KATNAL2: variants seen among roughly 807,000 people sequenced by gnomAD.
The protein encoded by KATNAL2 is katanin catalytic subunit A1 like 2.
A neutral mutation model predicts 76.3 loss-of-function variants in KATNAL2; 52 were observed. The observed-to-expected ratio is 0.68, with a 90% confidence interval of 0.55 to 0.86. The LOEUF (loss-of-function observed/expected upper bound fraction) is 0.86. KATNAL2 is among the 40% of genes least tolerant of loss of function. The probability of loss-of-function intolerance (pLI) is 0.00; values close to 1 mark genes in which losing one functional copy is unlikely to be tolerated. For missense variants in KATNAL2, 660 were observed against 668.9 expected (o/e 0.99, Z 0.15); for synonymous variants, 243 against 244.2 (o/e 1.00, Z 0.05).
At chr18:46,934,162 C>T (rs1296287760) in intron 1 of KATNAL2, among the ~76,000 whole-genome samples, 1 of 151,980 alleles carries the variant, frequency 6.6e-6, no homozygotes, top group Non-Finnish European at 1.5e-5. Flanking sequence ...GGTATATACC[C>T]AGTAATGGGA....
chr18:46,941,854 T>C (rs1226105254), intron 1 of KATNAL2, among the ~76,000 whole-genome samples: 1 of 152,178 alleles, frequency 6.6e-6, no homozygotes, highest in African/African-American at 2.4e-5. Context: ...GCAAGGCAAG[T>C]TACTTCTATA....
intron 14 of KATNAL2, among the ~76,000 whole-genome samples, chr18:47,075,881 A>G (rs1217671582): frequency 1.3e-5 from 2 of 152,214 alleles, no homozygotes; most frequent in East Asian, 1.9e-4. Flanking sequence ...AATATGTTAC[A>G]TATATTATCT....
At chr18:47,061,090 C>T (rs1186981588) in intron 8 of KATNAL2, among the ~76,000 whole-genome samples, 1 of 152,326 alleles carries the variant, frequency 6.6e-6, no homozygotes, top group East Asian at 1.9e-4. Flanking sequence ...CCTAGCATTT[C>T]ATATGTCCAT....
intron 1 of KATNAL2, among the ~76,000 whole-genome samples, chr18:46,938,950 T>C (rs531179459): frequency 4.5e-4 from 69 of 152,284 alleles, no homozygotes; most frequent in Admixed American, 4.1e-3. Flanking sequence ...CCCAGTCCTT[T>C]GCTAGCATAT....
rs4890707 is a variant in KATNAL2, at chr18:46,917,761, C to G, written c.-675C>G. 91,528 of 171,830 alleles carry G rather than the reference C, an allele frequency of 0.53. 24,626 individuals are homozygous for G. Among genetic ancestry groups the G allele is most frequent in the African/African-American group, 0.56 (23,607 of 41,866 alleles). The allele number at this position is 171,830 out of a possible 1,614,324, so 10.6% of individuals were successfully genotyped here. On this transcript the variant is annotated 5_prime_UTR_variant, in exon 1 of 18. Transcript: ENST00000683218. The stretch of plus-strand genomic sequence containing the variant: ...GAGGCGTTATCCGCGGGCCTGGCCT[C>G]GGGAAGTGGCGGGGAGGAAGAAGAG...
intron 8 of KATNAL2, among the ~76,000 whole-genome samples, chr18:47,060,136 A>G (rs570711446): frequency 6.6e-6 from 1 of 152,106 alleles, no homozygotes; most frequent in East Asian, 1.9e-4. Flanking sequence ...AGCTAGGACT[A>G]CAGGCATGCA....
chr18:47,031,202 C>T (rs1475480228), intron 3 of KATNAL2, among the ~76,000 whole-genome samples: 1 of 150,196 alleles, frequency 6.7e-6, no homozygotes, highest in Admixed American at 6.7e-5. Flanking sequence ...ATCTTGCTCC[C>T]ACCGGTTGTT....
chr18:46,944,898 G>A (rs1417047706), intron 1 of KATNAL2, among the ~76,000 whole-genome samples: 1 of 152,168 alleles, frequency 6.6e-6, no homozygotes, highest in Non-Finnish European at 1.5e-5. Context: ...CTGCACTCCA[G>A]CCTGGGCAAC....
intron 13 of KATNAL2, among the ~76,000 whole-genome samples, chr18:47,073,183 A>C (rs2062067234): frequency 6.6e-6 from 1 of 152,166 alleles, no homozygotes; most frequent in Non-Finnish European, 1.5e-5. Context: ...TATTTTTTAA[A>C]ATAAACATTT....
chr18:47,073,194 G>A (rs1296849136), intron 13 of KATNAL2, among the ~76,000 whole-genome samples: 3 of 152,092 alleles, frequency 2.0e-5, no homozygotes, highest in Non-Finnish European at 2.9e-5. Flanking sequence ...ATAAACATTT[G>A]TCAATCTAAT....
At chr18:46,925,995 C>T (rs1428787754) in intron 1 of KATNAL2, among the ~76,000 whole-genome samples, 3 of 152,148 alleles carry the variant, frequency 2.0e-5, no homozygotes, top group African/African-American at 7.2e-5. Context: ...ATTAGTCTTC[C>T]TAGCGGTCTA....
intron 3 of KATNAL2, among the ~76,000 whole-genome samples, chr18:46,959,643 C>T (rs770867507): frequency 6.6e-5 from 10 of 152,102 alleles, no homozygotes; most frequent in Non-Finnish European, 1.5e-4. Flanking sequence ...GCAAAACCTT[C>T]GCTCACTGCA....
chr18:47,093,423 T>A (rs751557500), intron 15 of KATNAL2, among the ~76,000 whole-genome samples: 3 of 148,992 alleles, frequency 2.0e-5, no homozygotes, highest in Non-Finnish European at 3.0e-5. Flanking sequence ...TTTTTTGATC[T>A]CCTATTGTCT....
At chr18:47,084,710 G>A (rs946275894) in intron 15 of KATNAL2, among the ~76,000 whole-genome samples, 1 of 151,668 alleles carries the variant, frequency 6.6e-6, no homozygotes, top group Non-Finnish European at 1.5e-5. Context: ...TTACCCAGGC[G>A]TTGTGGCACG....
intron 16 of KATNAL2, among the ~76,000 whole-genome samples, chr18:47,100,030 C>G (rs1019098597): frequency 6.6e-6 from 1 of 152,116 alleles, no homozygotes; most frequent in Admixed American, 6.5e-5. Flanking sequence ...CAGCATATTT[C>G]GATGGTGTTA....
chr18:46,929,229 AT>A (rs1461754536), intron 1 of KATNAL2, among the ~76,000 whole-genome samples: 2 of 150,898 alleles, frequency 1.3e-5, no homozygotes, highest in Non-Finnish European at 3.0e-5. Context: ...CATGTTGCAT[AT>A]TTCAATTCTT....
At chr18:47,073,542 A>G (rs905626671) in intron 13 of KATNAL2, among the ~76,000 whole-genome samples, 1 of 151,754 alleles carries the variant, frequency 6.6e-6, no homozygotes, top group Admixed American at 6.6e-5. Context: ...AAGAAAGCAA[A>G]CCCTTCAGGA....
intron 3 of KATNAL2, chr18:47,033,501 A>G (rs1191588119): frequency 1.2e-6 from 2 of 1,614,012 alleles, no homozygotes; most frequent in Admixed American, 1.7e-5. Context: ...CCTGGAAACA[A>G]TGATTCCTCC....
chr18:46,951,499 T>C (rs1382219541), intron 3 of KATNAL2, among the ~76,000 whole-genome samples: 2 of 151,560 alleles, frequency 1.3e-5, no homozygotes. Flanking sequence ...GGGCGTACTA[T>C]ACAGCTTTTT....
Sources: allele counts gnomAD v4.1 joint callset (sites outside exome capture counted in the v4.1 genomes callset), GRCh38; gene constraint gnomAD v4.1.1; transcripts MANE v1.5; gene names NCBI Gene and HGNC (gene_info 2026-07-23, HGNC 2026-07-21).